The following HEG1 variants were observed in gnomAD, a reference collection of about 807,000 sequenced individuals.
HEG1 encodes protein HEG homolog 1.
HEG1 carries 56 observed loss-of-function variants against 125.6 expected under a neutral mutation model. The ratio of observed to expected loss-of-function variants is 0.45; its 90% CI spans 0.36 to 0.56. HEG1 has a LOEUF of 0.56. HEG1 is among the 20% of genes least tolerant of loss of function. The probability of loss-of-function intolerance (pLI) is 0.00; values close to 1 mark genes in which losing one functional copy is unlikely to be tolerated. For synonymous variants in HEG1, 644 were observed against 668.5 expected (o/e 0.96, Z 0.57); for missense variants, 1,523 against 1,670.0 (o/e 0.91, Z 1.53).
At chr3:124,973,579 A>T (rs1936483235) in intron 16 of HEG1, among the ~76,000 whole-genome samples, 152 bp downstream of exon 16, 1 of 152,224 alleles carries the variant, frequency 6.6e-6, no homozygotes, top group African/African-American at 2.4e-5. Flanking sequence ...ATGCAAATAG[A>T]CTGTAGGTAA....
intron 12 of HEG1, among the ~76,000 whole-genome samples, chr3:124,991,915 T>C (rs1936839504): frequency 1.3e-5 from 2 of 152,192 alleles, no homozygotes; most frequent in African/African-American, 2.4e-5. Flanking sequence ...AGGCATGTAG[T>C]TGTAATTATT....
At chr3:124,978,714 A>G (rs1463162454) in intron 14 of HEG1, among the ~76,000 whole-genome samples, 1 of 151,796 alleles carries the variant, frequency 6.6e-6, no homozygotes. Flanking sequence ...TATTAAAGTA[A>G]TGGATGGGTC....
At chr3:124,973,404 G>A (rs1052792452) in intron 16 of HEG1, among the ~76,000 whole-genome samples, 3 of 152,036 alleles carry the variant, frequency 2.0e-5, no homozygotes, top group Non-Finnish European at 4.4e-5. Flanking sequence ...AAAATGAAAG[G>A]GCCAAAGGCT....
At chr3:125,028,580 T>C (rs1186901949) in intron 2 of HEG1, among the ~76,000 whole-genome samples, 1 of 152,014 alleles carries the variant, frequency 6.6e-6, no homozygotes, top group South Asian at 2.1e-4. Context: ...TGTTAACTGT[T>C]TGACCTACAC....
intron 1 of HEG1, among the ~76,000 whole-genome samples, chr3:125,048,404 C>T (rs1028023564): frequency 1.3e-5 from 2 of 152,220 alleles, no homozygotes; most frequent in Admixed American, 1.3e-4. Flanking sequence ...ACACCCTGGC[C>T]TTCCTTCTTG....
Position 125,027,186 on chromosome 3 carries a change from C to T in HEG1, c.913+19G>A, listed in dbSNP as rs771086755. The T allele has an allele frequency of 6.4e-7, 1 of 1,557,092 alleles. No individual in the cohort carries two copies. The highest frequency in any genetic ancestry group is 8.7e-7 in the Non-Finnish European group (1 of 1,152,340). Reference sequence around the variant, plus strand: ...CTTTGAGTGACTTCCGAGTGTTAAGCTGGGTATGTGGCACTCACATGAGGA... The same window carrying T: ...CTTTGAGTGACTTCCGAGTGTTAAGTTGGGTATGTGGCACTCACATGAGGA... On this transcript the variant is annotated intron_variant, in intron 3 of 16. Transcript: ENST00000311127.
At chr3:125,045,094 G>A (rs142815509) in intron 1 of HEG1, among the ~76,000 whole-genome samples, 1 of 152,306 alleles carries the variant, frequency 6.6e-6, no homozygotes, top group East Asian at 1.9e-4. Flanking sequence ...AGCAAAGGGA[G>A]GTCAGGTCTT....
rs1022354314 is a variant in HEG1, at chr3:124,991,102, A to T, written c.3653-116T>A. On this transcript the variant is annotated intron_variant, in intron 12 of 16. Coordinates refer to ENST00000311127, the MANE Select transcript of HEG1 (RefSeq NM_020733.2). ...GATTATTCTAGTACCAGAAGGCTGCAAACTGCTTTGGAATGATCCTCACTT... is the reference window on the plus strand; with the variant it reads ...GATTATTCTAGTACCAGAAGGCTGCTAACTGCTTTGGAATGATCCTCACTT... 25 of 749,172 alleles carry T rather than the reference A, an allele frequency of 3.3e-5. No individual in the cohort carries two copies. In the East Asian group the frequency reaches 6.7e-4, roughly 20 times the overall value. The allele number at this position is 749,172 out of a possible 1,614,324, so 46.4% of individuals were successfully genotyped here. A position where few individuals can be genotyped will look rare whatever the true frequency, so the allele number is the denominator to read the frequency against.
intron 16 of HEG1, among the ~76,000 whole-genome samples, chr3:124,972,739 T>C (rs1021703879): frequency 1.3e-5 from 2 of 152,214 alleles, no homozygotes; most frequent in African/African-American, 2.4e-5. Context: ...GTTTGCTTTA[T>C]GGTTGATACA....
At chr3:125,041,301 C>CA (rs1176046534) in intron 1 of HEG1, among the ~76,000 whole-genome samples, 7 of 152,222 alleles carry the variant, frequency 4.6e-5, no homozygotes, top group African/African-American at 1.7e-4. Flanking sequence ...CCATAGCAAC[C>CA]AAATAACCTG....
chr3:125,023,636 T>C (rs1937370245), intron 3 of HEG1, among the ~76,000 whole-genome samples: 1 of 149,514 alleles, frequency 6.7e-6, no homozygotes, highest in Admixed American at 6.7e-5. Context: ...ACCACTTATA[T>C]TACTAAATGA....
intron 3 of HEG1, among the ~76,000 whole-genome samples, chr3:125,024,788 G>A (rs1349368695): frequency 6.6e-6 from 1 of 152,200 alleles, no homozygotes; most frequent in African/African-American, 2.4e-5. Flanking sequence ...CTGAATACAC[G>A]TGGAATCATA....
intron 7 of HEG1, among the ~76,000 whole-genome samples, chr3:125,010,027 C>G (rs1254946352): frequency 6.6e-6 from 1 of 152,152 alleles, no homozygotes; most frequent in Non-Finnish European, 1.5e-5. Context: ...ACTGTAAATA[C>G]AAGACAAGAT....
chr3:124,999,022 C>A (rs559965193), intron 11 of HEG1, among the ~76,000 whole-genome samples: 7 of 152,168 alleles, frequency 4.6e-5, no homozygotes, highest in Non-Finnish European at 8.8e-5. Flanking sequence ...GCCAGGTACC[C>A]CTTTTAATGC....
At chr3:125,015,084 C>T (rs1202377256) in intron 5 of HEG1, 1 of 1,071,466 alleles carries the variant, frequency 9.3e-7, no homozygotes, top group Non-Finnish European at 1.2e-6. Flanking sequence ...CCAAGCCTCA[C>T]TTCCTGGGCT....
intron 14 of HEG1, among the ~76,000 whole-genome samples, chr3:124,988,797 G>A (rs1292199963): frequency 2.6e-5 from 4 of 152,188 alleles, no homozygotes; most frequent in African/African-American, 9.7e-5. Context: ...CACACCTGTT[G>A]TCCCAGCTAC....
At position 124,966,723 on chromosome 3, in the gene HEG1, C is replaced by A. The variant is rs576300434; in HGVS notation, c.*3929G>T. On this transcript the variant is annotated 3_prime_UTR_variant, in exon 17 of 17. Transcript: ENST00000311127. ...TGTATTTTAGAACTATGGGTCAAAA[C>A]CCTGTGTGTTAGGCTAAACTTAGCC... 2 of 152,180 alleles carry A rather than the reference C, an allele frequency of 1.3e-5. No individual in the cohort carries two copies. The highest frequency in any genetic ancestry group is 2.9e-5 in the Non-Finnish European group (2 of 68,024). 9.4% of individuals were successfully genotyped at this position (152,180 alleles called of 1,614,324 possible).
At chr3:125,026,543 GC>G (rs1316724360) in intron 3 of HEG1, among the ~76,000 whole-genome samples, 1 of 151,886 alleles carries the variant, frequency 6.6e-6, no homozygotes, top group Non-Finnish European at 1.5e-5. Context: ...CATTATATCT[GC>G]TTTTTTTTTC....
At chr3:125,042,709 A>C (rs1236967222) in intron 1 of HEG1, among the ~76,000 whole-genome samples, 1 of 152,200 alleles carries the variant, frequency 6.6e-6, no homozygotes, top group African/African-American at 2.4e-5. Context: ...TTCAGACAGC[A>C]GGGGCCCTTC....
Sources: allele counts gnomAD v4.1 joint callset (sites outside exome capture counted in the v4.1 genomes callset), GRCh38; gene constraint gnomAD v4.1.1; transcripts MANE v1.5; gene names NCBI Gene and HGNC (gene_info 2026-07-23, HGNC 2026-07-21).